TENM3: variants seen among roughly 807,000 people sequenced by gnomAD.
TENM3 encodes teneurin transmembrane protein 3.
Under a neutral mutation model 255.1 loss-of-function variants are expected in TENM3, and 63 were observed. That is an observed-to-expected ratio of 0.25 (90% CI 0.20 to 0.30). The LOEUF is 0.30. TENM3 is among the 10% of genes least tolerant of loss of function. The pLI is 1.00. For synonymous variants in TENM3, 1,306 were observed against 1,322.3 expected (o/e 0.99, Z 0.27); for missense variants, 2,929 against 3,461.1 (o/e 0.85, Z 3.86).
chr4:182,667,328 T>C (rs1294978953), intron 6 of TENM3, among the ~76,000 whole-genome samples: 1 of 152,000 alleles, frequency 6.6e-6, no homozygotes, highest in African/African-American at 2.4e-5. Flanking sequence ...GTAGCTGGGA[T>C]TACAGGCGCC....
chr4:181,760,716 G>T, the TENM3 span, among the ~76,000 whole-genome samples: 36 of 151,980 alleles, frequency 2.4e-4, no homozygotes, highest in African/African-American at 8.2e-4. Flanking sequence ...CTTGTGATCT[G>T]CCTGCCCTTG....
the TENM3 span, among the ~76,000 whole-genome samples, chr4:181,971,335 T>C: frequency 3.9e-5 from 6 of 152,016 alleles, no homozygotes; most frequent in African/African-American, 1.4e-4. Context: ...AAATATTTGT[T>C]AAAGAAAGAA....
chr4:181,481,764 C>G, the TENM3 span, among the ~76,000 whole-genome samples: 1 of 152,082 alleles, frequency 6.6e-6, no homozygotes. Flanking sequence ...ACACTTTAGT[C>G]TCTTCATGTG....
chr4:182,719,676 A>G lies in TENM3; in HGVS notation c.2368+5443A>G, dbSNP rs995527410. The stretch of plus-strand genomic sequence containing the variant: ...GGCTGATTACAGTTGAGAAGAAAGC[A>G]CAAGTCAACTGAGGTTATTCAGAAA... On this transcript the variant is annotated intron_variant, in intron 13 of 27. Transcript: ENST00000511685. Among the ~76,000 whole-genome samples the G allele has an allele frequency of 3.3e-5, 5 of 152,160 alleles. No homozygotes were observed. The South Asian group carries it at 1.0e-3, about 32-fold the overall frequency.
In TENM3 at chr4:182,161,957, GTGTATA is replaced by G. The variant is rs1243604152; in HGVS notation, c.-76+17205_-76+17210del. Among the ~76,000 whole-genome samples the G allele has an allele frequency of 4.3e-3, 191 of 44,756 alleles. 11 individuals are homozygous for G. The highest frequency in any genetic ancestry group is 0.018 in the African/African-American group (183 of 10,014). The allele number at this position is 44,756 out of a possible 152,430, so 29.4% of individuals were successfully genotyped here. A position where few individuals can be genotyped will look rare whatever the true frequency, so the allele number is the denominator to read the frequency against. ...CACATATATATATTTGTGTGTGTGTGTGTATATATATATATATATATATATATATAT... is the reference window on the plus strand; with the variant it reads ...CACATATATATATTTGTGTGTGTGTGTATATATATATATATATATATATAT... On this transcript the variant is annotated intron_variant, in intron 1 of 2. Transcript: ENST00000512480.
At chr4:181,652,516 T>C in the TENM3 span, among the ~76,000 whole-genome samples, 12,192 of 152,226 alleles carry the variant, frequency 0.08, 657 homozygotes, top group South Asian at 0.16. Flanking sequence ...ATCAGCATAA[T>C]GTTTTGCCAT....
At chr4:181,672,623 T>C in the TENM3 span, among the ~76,000 whole-genome samples, 2 of 152,148 alleles carry the variant, frequency 1.3e-5, no homozygotes, top group African/African-American at 4.8e-5. Flanking sequence ...GAGACTGTTC[T>C]AGCTGTTAGC....
intron 3 of TENM3, among the ~76,000 whole-genome samples, chr4:182,576,602 A>G (rs768495255): frequency 4.6e-5 from 7 of 152,148 alleles, no homozygotes; most frequent in African/African-American, 1.2e-4. Flanking sequence ...TTTTTACCCA[A>G]TGCTTCATTT....
At chr4:182,700,947 G>T (rs542239803) in intron 12 of TENM3, among the ~76,000 whole-genome samples, 2 of 152,022 alleles carry the variant, frequency 1.3e-5, no homozygotes, top group Non-Finnish European at 2.9e-5. Flanking sequence ...TTTAAGCATG[G>T]GTGGGTAAGA....
intron 1 of TENM3, among the ~76,000 whole-genome samples, chr4:182,175,315 AT>A (rs145653205): frequency 0.062 from 2,713 of 43,694 alleles, 51 homozygotes; most frequent in African/African-American, 0.12. Context: ...AAAAAAAAAA[AT>A]ATATATATAT....
the TENM3 span, among the ~76,000 whole-genome samples, chr4:181,612,209 C>G: frequency 6.6e-6 from 1 of 152,146 alleles, no homozygotes; most frequent in Non-Finnish European, 1.5e-5. Context: ...GCCCAACACA[C>G]GAAAGCTCTA....
At chr4:182,763,299 A>T (rs1011528285) in intron 22 of TENM3, among the ~76,000 whole-genome samples, 11 of 152,182 alleles carry the variant, frequency 7.2e-5, no homozygotes, top group Non-Finnish European at 1.6e-4. Context: ...GCGGTGGCTC[A>T]CACCTGTAAT....
chr4:182,241,993 A>T (rs1757298742), upstream of TENM3, among the ~76,000 whole-genome samples: 2 of 139,954 alleles, frequency 1.4e-5, no homozygotes, highest in Non-Finnish European at 3.1e-5. Flanking sequence ...CTTTTCCACC[A>T]ATTTGCCTTC....
In TENM3 at chr4:182,483,858, A is replaced by G. The variant is rs763539959; in HGVS notation, c.512-117066A>G. On this transcript the variant is annotated intron_variant, in intron 3 of 27. Coordinates refer to ENST00000511685, the MANE Select transcript of TENM3 (RefSeq NM_001080477.4). ...GCAGGAGGAAGAGAGTGAAGGGAGAAGTGCTACCCATTCTTAACCAGATCT... is the reference window on the plus strand; with the variant it reads ...GCAGGAGGAAGAGAGTGAAGGGAGAGGTGCTACCCATTCTTAACCAGATCT... Among the ~76,000 whole-genome samples, 22 of 152,074 alleles carry G rather than the reference A, an allele frequency of 1.4e-4. 1 individual carries two copies. Among genetic ancestry groups the G allele is most frequent in the Non-Finnish European group, 1.5e-4 (10 of 68,012 alleles).
At chr4:181,624,435 G>GAAGTGGAAAAA in the TENM3 span, among the ~76,000 whole-genome samples, 1 of 152,140 alleles carries the variant, frequency 6.6e-6, no homozygotes, top group Non-Finnish European at 1.5e-5. Context: ...GGAAGGGAGA[G>GAAGTGGAAAAA]AAGTGGAAAA....
At chr4:181,839,181 A>G in the TENM3 span, among the ~76,000 whole-genome samples, 3 of 150,084 alleles carry the variant, frequency 2.0e-5, no homozygotes, top group African/African-American at 7.3e-5. Context: ...AAGTTCTACT[A>G]TCATTTTTAT....
intron 17 of TENM3, 94 bp from the exon 18 acceptor site, chr4:182,738,307 C>A: frequency 9.0e-7 from 1 of 1,113,290 alleles, no homozygotes; most frequent in African/African-American, 1.6e-5. Flanking sequence ...TCTCAGAACA[C>A]AGATGTGAAA....
the TENM3 span, among the ~76,000 whole-genome samples, chr4:181,544,421 A>AAAAAAAAAAAAC: frequency 2.0e-5 from 3 of 147,048 alleles, no homozygotes; most frequent in Non-Finnish European, 4.5e-5. Flanking sequence ...AAAAAAAAAA[A>AAAAAAAAAAAAC]AAAAAAAAAA....
the TENM3 span, among the ~76,000 whole-genome samples, chr4:181,682,372 C>T: frequency 2.0e-5 from 3 of 152,156 alleles, no homozygotes; most frequent in African/African-American, 4.8e-5. Flanking sequence ...AAGTATGCAT[C>T]TCTAGGCAGT....
Sources: allele counts gnomAD v4.1 joint callset (sites outside exome capture counted in the v4.1 genomes callset), GRCh38; gene constraint gnomAD v4.1.1; transcripts MANE v1.5; gene names NCBI Gene and HGNC (gene_info 2026-07-23, HGNC 2026-07-21).